CHST11: variants seen among roughly 807,000 people sequenced by gnomAD.
CHST11 encodes carbohydrate sulfotransferase 11.
In CHST11, 9 loss-of-function variants were observed where a neutral mutation model predicts 30.4. The ratio of observed to expected loss-of-function variants is 0.30; its 90% CI spans 0.18 to 0.52. The LOEUF (loss-of-function observed/expected upper bound fraction) is 0.52, where lower values mean the gene tolerates loss of function less well. Among genes scored for constraint, CHST11 ranks in the 20% least tolerant of loss-of-function variants. CHST11 has a pLI of 0.97. For synonymous variants in CHST11, 152 were observed against 187.8 expected (o/e 0.81, Z 1.56); for missense variants, 348 against 460.6 (o/e 0.76, Z 2.24).
chr12:104,654,205 A>C (rs1226525141), intron 2 of CHST11, among the ~76,000 whole-genome samples: 1 of 152,172 alleles, frequency 6.6e-6, no homozygotes, highest in African/African-American at 2.4e-5. Context: ...GGGAGCTCCA[A>C]GGCTACCTGC....
intron 2 of CHST11, among the ~76,000 whole-genome samples, chr12:104,609,576 G>A (rs781628027): frequency 2.0e-5 from 3 of 152,218 alleles, no homozygotes; most frequent in Non-Finnish European, 2.9e-5. Context: ...TGGGTTTAGA[G>A]GAAAGGATTG....
chr12:104,501,989 C>G lies in CHST11; in HGVS notation c.118+44460C>G, dbSNP rs138789211. Among the ~76,000 whole-genome samples the G allele has an allele frequency of 2.5e-3, 385 of 152,234 alleles. 5 individuals carry two copies. The highest frequency in any genetic ancestry group is 7.6e-3 in the African/African-American group (316 of 41,548). On this transcript the variant is annotated intron_variant, in intron 1 of 2. Transcript: ENST00000303694. ...ACATGAGTGGACTCCTAGGACACCACACGTGTGACCTCAACTGTTCTTTCC... is the reference window on the plus strand; with the variant it reads ...ACATGAGTGGACTCCTAGGACACCAGACGTGTGACCTCAACTGTTCTTTCC...
intron 2 of CHST11, among the ~76,000 whole-genome samples, chr12:104,722,170 G>A (rs1482193817): frequency 1.3e-5 from 2 of 151,440 alleles, no homozygotes; most frequent in Non-Finnish European, 2.9e-5. Context: ...GTGTGTGTGT[G>A]TGTGTGTGTG....
chr12:104,686,154 G>T (rs1482281097), intron 2 of CHST11, among the ~76,000 whole-genome samples: 2 of 150,634 alleles, frequency 1.3e-5, no homozygotes, highest in African/African-American at 4.9e-5. Flanking sequence ...AATCGCTGGA[G>T]CCCGAGTTTG....
chr12:104,690,329 T>C (rs2039885972), intron 2 of CHST11, among the ~76,000 whole-genome samples: 1 of 152,252 alleles, frequency 6.6e-6, no homozygotes, highest in African/African-American at 2.4e-5. Context: ...CTGTGCATTC[T>C]GAAGTTTGAA....
intron 1 of CHST11, among the ~76,000 whole-genome samples, chr12:104,576,114 G>T (rs1001529095): frequency 2.0e-5 from 3 of 152,030 alleles, no homozygotes; most frequent in Non-Finnish European, 4.4e-5. Flanking sequence ...ACTCACAGGC[G>T]TGATGGTGGT....
chr12:104,487,663 G>C (rs2037695083), intron 1 of CHST11, among the ~76,000 whole-genome samples: 1 of 152,102 alleles, frequency 6.6e-6, no homozygotes, highest in Non-Finnish European at 1.5e-5. Context: ...GAGCTCACCA[G>C]CTGAACTTAG....
At chr12:104,683,594 C>T (rs1444696404) in intron 2 of CHST11, among the ~76,000 whole-genome samples, 1 of 152,198 alleles carries the variant, frequency 6.6e-6, no homozygotes, top group East Asian at 1.9e-4. Flanking sequence ...TGAGATTCCC[C>T]TTTCAGCCAC....
chr12:104,480,081 G>A (rs1326513598), intron 1 of CHST11, among the ~76,000 whole-genome samples: 1 of 152,176 alleles, frequency 6.6e-6, no homozygotes, highest in Non-Finnish European at 1.5e-5. Flanking sequence ...GGGTCAACCA[G>A]GAGTTCTGCT....
intron 1 of CHST11, among the ~76,000 whole-genome samples, chr12:104,566,401 C>A (rs2038567506): frequency 6.6e-6 from 1 of 152,144 alleles, no homozygotes. Context: ...AAAATGAAAG[C>A]CACTCATAAT....
rs1371946581 is a variant in CHST11 at position 104,722,312 on chromosome 12, T to C, written c.205-34637T>C. On this transcript the variant is annotated intron_variant, in intron 2 of 2. Coordinates refer to ENST00000303694, the MANE Select transcript of CHST11 (RefSeq NM_018413.6). ...GCCACTGTGCCTGGCCAATTTGGTG[T>C]GTTTTTAACTTCATCAGAGGTAAAA... 2.0e-5 allele frequency among the ~76,000 whole-genome samples: 3 copies of C among 152,248 alleles called. No homozygotes were observed. The East Asian group carries it at 5.8e-4, about 29-fold the overall frequency.
At chr12:104,622,688 G>A (rs1303308697) in intron 2 of CHST11, among the ~76,000 whole-genome samples, 2 of 152,168 alleles carry the variant, frequency 1.3e-5, no homozygotes, top group Non-Finnish European at 1.5e-5. Context: ...GGGTGACTTT[G>A]GGCAAGTTAC....
intron 1 of CHST11, among the ~76,000 whole-genome samples, chr12:104,508,591 ACT>A (rs2037931787): frequency 6.6e-6 from 1 of 152,134 alleles, no homozygotes; most frequent in African/African-American, 2.4e-5. Context: ...TAACAGGGTC[ACT>A]CTGTCTCATT....
In CHST11 at chr12:104,627,847, A is replaced by T. The variant is rs76203021; in HGVS notation, c.204+25856A>T. On this transcript the variant is annotated intron_variant, in intron 2 of 2. Transcript: ENST00000303694. ...AGCAGGTGGTGGGTGTGGTGGTGAT[A>T]ACTAGCAGCAGCAGCAGTGGCAGGA... 6.5e-3 allele frequency among the ~76,000 whole-genome samples: 995 copies of T among 152,292 alleles called. 9 individuals are homozygous for T. Among genetic ancestry groups the T allele is most frequent in the Non-Finnish European group, 0.01 (681 of 68,036 alleles).
intron 1 of CHST11, among the ~76,000 whole-genome samples, chr12:104,566,425 G>A (rs1468956371): frequency 2.0e-5 from 3 of 152,174 alleles, no homozygotes; most frequent in Admixed American, 2.0e-4. Flanking sequence ...AATAATTTTA[G>A]ACTCACACAG....
intron 2 of CHST11, among the ~76,000 whole-genome samples, chr12:104,663,889 A>G (rs150116300): frequency 2.1e-4 from 32 of 152,140 alleles, no homozygotes; most frequent in Admixed American, 6.5e-4. Context: ...CCATCCATCC[A>G]TCCATGTATG....
chr12:104,607,510 G>T (rs1398048887), intron 2 of CHST11, among the ~76,000 whole-genome samples: 3 of 152,184 alleles, frequency 2.0e-5, no homozygotes, highest in Non-Finnish European at 2.9e-5. Flanking sequence ...AATCAGGAGT[G>T]AGTGGTTAGC....
chr12:104,509,059 A>G (rs2037936631), intron 1 of CHST11, among the ~76,000 whole-genome samples: 1 of 152,088 alleles, frequency 6.6e-6, no homozygotes, highest in Non-Finnish European at 1.5e-5. Flanking sequence ...GCTTCCCCCA[A>G]ACAAGTAGTA....
rs1010250380 is a variant in CHST11, at chr12:104,759,719, T to G, written c.*1916T>G. 2 of 152,174 alleles carry G rather than the reference T, an allele frequency of 1.3e-5. No homozygotes were observed. Among genetic ancestry groups the G allele is most frequent in the African/African-American group, 4.8e-5 (2 of 41,446 alleles). 9.4% of individuals were successfully genotyped at this position (152,174 alleles called of 1,614,324 possible). A position where few individuals can be genotyped will look rare whatever the true frequency, so the allele number is the denominator to read the frequency against. ...GTAGCTGAAGCTATTTATAAAACGTTGTGTACCTTCTTCCGAGCTCTCTCC... is the reference window on the plus strand; with the variant it reads ...GTAGCTGAAGCTATTTATAAAACGTGGTGTACCTTCTTCCGAGCTCTCTCC... On this transcript the variant is annotated 3_prime_UTR_variant, in exon 3 of 3. Coordinates refer to ENST00000303694, the MANE Select transcript of CHST11 (RefSeq NM_018413.6).
Sources: allele counts gnomAD v4.1 joint callset (sites outside exome capture counted in the v4.1 genomes callset), GRCh38; gene constraint gnomAD v4.1.1; transcripts MANE v1.5; gene names NCBI Gene and HGNC (gene_info 2026-07-23, HGNC 2026-07-21).